The following NFIB variants were observed in gnomAD, a reference collection of about 807,000 sequenced individuals.
NFIB encodes the protein nuclear factor 1 B-type.
Under a neutral mutation model 61.5 loss-of-function variants are expected in NFIB, and 11 were observed. That is an observed-to-expected ratio of 0.18 (90% CI 0.11 to 0.30). NFIB has a LOEUF of 0.30. NFIB is among the 10% of genes least tolerant of loss of function. NFIB has a pLI of 1.00. For missense variants in NFIB, 471 were observed against 608.9 expected, an observed-to-expected ratio of 0.77 and a Z score of 2.38; for synonymous variants, 260 against 216.5, an observed-to-expected ratio of 1.20 and a Z score of -1.76.
intron 2 of NFIB, among the ~76,000 whole-genome samples, chr9:14,207,742 C>G (rs1305124544): frequency 1.3e-5 from 2 of 152,190 alleles, no homozygotes; most frequent in Non-Finnish European, 2.9e-5. Context: ...TGTCATTTTT[C>G]ACATGAATGT....
chr9:14,485,261 C>T, the NFIB span, among the ~76,000 whole-genome samples: 2 of 152,190 alleles, frequency 1.3e-5, no homozygotes, highest in East Asian at 1.9e-4. Flanking sequence ...AGGGATATTA[C>T]AAATTTATTC....
At chr9:14,506,197 A>G in the NFIB span, among the ~76,000 whole-genome samples, 1 of 152,180 alleles carries the variant, frequency 6.6e-6, no homozygotes, top group Non-Finnish European at 1.5e-5. Context: ...CCCATGTTTT[A>G]TTACAATTGA....
chr9:14,268,891 G>A (rs2057406705), intron 2 of NFIB, among the ~76,000 whole-genome samples: 1 of 152,128 alleles, frequency 6.6e-6, no homozygotes, highest in African/African-American at 2.4e-5. Flanking sequence ...GATATTGATG[G>A]TGACGGCTTT....
intron 2 of NFIB, among the ~76,000 whole-genome samples, chr9:14,223,910 G>T (rs557393063): frequency 1.3e-5 from 2 of 152,058 alleles, no homozygotes; most frequent in Non-Finnish European, 2.9e-5. Context: ...CACCCTAACC[G>T]CCCACTACAC....
chr9:14,336,189 A>G (rs974965284), intron 1 of NFIB, among the ~76,000 whole-genome samples: 1 of 152,224 alleles, frequency 6.6e-6, no homozygotes, highest in Non-Finnish European at 1.5e-5. Flanking sequence ...AGTTTTCTCC[A>G]AGAAACCTTG....
chr9:14,272,805 T>C (rs2057726764), intron 2 of NFIB, among the ~76,000 whole-genome samples: 1 of 151,908 alleles, frequency 6.6e-6, no homozygotes, highest in African/African-American at 2.4e-5. Context: ...TGAGGTTTAA[T>C]ATATTATGAA....
chr9:14,528,472 G>C, the NFIB span, among the ~76,000 whole-genome samples: 3 of 152,138 alleles, frequency 2.0e-5, no homozygotes, highest in African/African-American at 7.2e-5. Context: ...CCTAGTGTTT[G>C]TGCTTATATG....
chr9:14,519,721 C>T, the NFIB span, among the ~76,000 whole-genome samples: 1 of 152,158 alleles, frequency 6.6e-6, no homozygotes, highest in Admixed American at 6.5e-5. Context: ...CTAATCCTCA[C>T]AACAATCTTA....
intron 2 of NFIB, among the ~76,000 whole-genome samples, chr9:14,274,285 C>CACACACACAT (rs2057843717): frequency 6.6e-6 from 1 of 151,730 alleles, no homozygotes; most frequent in Non-Finnish European, 1.5e-5. Flanking sequence ...CACACACACA[C>CACACACACAT]ACACACGAAG....
chr9:14,189,035 G>T (rs143661880), intron 2 of NFIB, among the ~76,000 whole-genome samples: 72 of 152,226 alleles, frequency 4.7e-4, no homozygotes, highest in Admixed American at 9.2e-4. Flanking sequence ...GGAAAGCATA[G>T]AAAAATAAGT....
chr9:14,320,511 C>T (rs1375004801), intron 1 of NFIB, among the ~76,000 whole-genome samples: 1 of 152,180 alleles, frequency 6.6e-6, no homozygotes, highest in Non-Finnish European at 1.5e-5. Flanking sequence ...AACATCAAAC[C>T]TCAAATGTAA....
At chr9:14,529,607 A>G in the NFIB span, among the ~76,000 whole-genome samples, 1 of 152,172 alleles carries the variant, frequency 6.6e-6, no homozygotes, top group East Asian at 1.9e-4. Context: ...ATTACTAAAG[A>G]TAAGCAATCA....
At chr9:14,101,751 G>A (rs531916210) in intron 10 of NFIB, among the ~76,000 whole-genome samples, 2 of 152,304 alleles carry the variant, frequency 1.3e-5, no homozygotes, top group East Asian at 3.9e-4. Flanking sequence ...GCATGAAACA[G>A]TATCAGAACT....
chr9:14,151,841 G>C (rs905133886), intron 4 of NFIB, among the ~76,000 whole-genome samples: 4 of 152,014 alleles, frequency 2.6e-5, no homozygotes, highest in Non-Finnish European at 5.9e-5. Flanking sequence ...CAAAATTCTA[G>C]AGCCCCTGAG....
At chr9:14,492,523 G>A in the NFIB span, among the ~76,000 whole-genome samples, 2 of 152,056 alleles carry the variant, frequency 1.3e-5, no homozygotes, top group African/African-American at 2.4e-5. Flanking sequence ...TTACAATCAT[G>A]GTGGAAGGCA....
At chr9:14,271,692 T>C (rs893235026) in intron 2 of NFIB, among the ~76,000 whole-genome samples, 5 of 152,104 alleles carry the variant, frequency 3.3e-5, no homozygotes, top group African/African-American at 9.7e-5. Context: ...TGCTGTTACA[T>C]GGAGCAAAAT....
the NFIB span, among the ~76,000 whole-genome samples, chr9:14,431,033 A>G: frequency 1.6e-4 from 24 of 152,244 alleles, no homozygotes; most frequent in African/African-American, 5.5e-4. Flanking sequence ...TATTTCTCAA[A>G]TGATTCTACA....
At chr9:14,226,386 A>G (rs2052418776) in intron 2 of NFIB, among the ~76,000 whole-genome samples, 1 of 151,982 alleles carries the variant, frequency 6.6e-6, no homozygotes, top group Non-Finnish European at 1.5e-5. Context: ...CCATCTCTAC[A>G]AAAACTAAAA....
intron 2 of NFIB, among the ~76,000 whole-genome samples, chr9:14,271,636 G>C (rs2057632669): frequency 6.6e-6 from 1 of 152,162 alleles, no homozygotes; most frequent in Non-Finnish European, 1.5e-5. Flanking sequence ...ATCTTTCCAA[G>C]TGAAACTGAC....
Sources: gnomAD v4.1 joint callset for allele counts (sites outside exome capture counted in the v4.1 genomes callset) on GRCh38, gnomAD v4.1.1 for gene constraint, MANE v1.5 for transcripts, NCBI Gene and HGNC (gene_info 2026-07-23, HGNC 2026-07-21) for gene names.